The following MKLN1 variants were observed in gnomAD, a reference collection of about 807,000 sequenced individuals.
The protein encoded by MKLN1 is muskelin 1, also known as muskelin.
In MKLN1, 18 loss-of-function variants were observed where a neutral mutation model predicts 99.0. That is an observed-to-expected ratio of 0.18 (90% CI 0.13 to 0.27). The LOEUF (loss-of-function observed/expected upper bound fraction) is 0.27. Among genes scored for constraint, MKLN1 ranks in the 10% least tolerant of loss-of-function variants. MKLN1 has a pLI of 1.00. For synonymous variants in MKLN1, 288 were observed against 293.2 expected, an observed-to-expected ratio of 0.98 and a Z score of 0.18; for missense variants, 621 against 875.9, an observed-to-expected ratio of 0.71 and a Z score of 3.67.
At chr7:131,335,160 C>T (rs185599117) in intron 1 of MKLN1, among the ~76,000 whole-genome samples, 2 of 152,078 alleles carry the variant, frequency 1.3e-5, no homozygotes, top group African/African-American at 4.8e-5. Flanking sequence ...TTTTTAACAT[C>T]TTTGCACATT....
At position 131,496,409 on chromosome 7, in the gene MKLN1, A is replaced by G. The variant is rs911897901; in HGVS notation, c.*8681A>G. ...CCATTCCCCTCATGATCTCTGGCTTATCTTTTATCCAATCTGTATGGACTT... is the reference window on the plus strand; with the variant it reads ...CCATTCCCCTCATGATCTCTGGCTTGTCTTTTATCCAATCTGTATGGACTT... On this transcript the variant is annotated 3_prime_UTR_variant, in exon 18 of 18. Transcript: ENST00000352689. 1.3e-5 allele frequency: 2 copies of G among 151,964 alleles called. No homozygotes were observed. The highest frequency in any genetic ancestry group is 2.9e-5 in the Non-Finnish European group (2 of 68,002). 9.4% of individuals were successfully genotyped at this position (151,964 alleles called of 1,614,324 possible).
At chr7:131,142,100 GTCTC>G (rs1457736192) in intron 1 of MKLN1, among the ~76,000 whole-genome samples, 2 of 151,528 alleles carry the variant, frequency 1.3e-5, no homozygotes, top group Non-Finnish European at 2.9e-5. Flanking sequence ...AACATGGCAA[GTCTC>G]TCTCTACAAA....
At chr7:131,136,938 T>C (rs1795657970) in intron 1 of MKLN1, among the ~76,000 whole-genome samples, 1 of 152,214 alleles carries the variant, frequency 6.6e-6, no homozygotes, top group South Asian at 2.1e-4. Context: ...AGTGGTTTTC[T>C]CTTCTGGCTT....
intron 2 of MKLN1, among the ~76,000 whole-genome samples, chr7:131,196,453 C>G (rs1345975928): frequency 6.6e-6 from 1 of 152,094 alleles, no homozygotes; most frequent in Non-Finnish European, 1.5e-5. Context: ...CTTTTTAGGC[C>G]AAATCTACTT....
At chr7:131,374,070 T>TTGGC (rs1023557566) in intron 1 of MKLN1, among the ~76,000 whole-genome samples, 5 of 152,206 alleles carry the variant, frequency 3.3e-5, no homozygotes, top group Non-Finnish European at 5.9e-5. Context: ...TTTTTTAGCA[T>TTGGC]TGGCCTGTCA....
At position 131,459,977 on chromosome 7, in the gene MKLN1, AT is replaced by A. The variant is rs1796467727; in HGVS notation, c.1526-3237del. Among the ~76,000 whole-genome samples, 4 of 151,506 alleles carry A rather than the reference AT, an allele frequency of 2.6e-5. No individual in the cohort carries two copies. The South Asian group carries it at 8.3e-4, about 31-fold the overall frequency. ...TATCTTTTTGCTGTTTATTCTGGTG[AT>A]TTGTCAGTTTTATCTAGAGACCACT... On this transcript the variant is annotated intron_variant, in intron 12 of 17. Transcript: ENST00000352689.
chr7:131,297,503 G>A (rs950984845), intron 3 of MKLN1, among the ~76,000 whole-genome samples: 2 of 151,858 alleles, frequency 1.3e-5, no homozygotes, highest in Non-Finnish European at 2.9e-5. Context: ...TTTTGTATCT[G>A]CCCGTTCTGT....
At chr7:131,328,907 C>T (rs754470297) in intron 1 of MKLN1, among the ~76,000 whole-genome samples, 1 of 152,082 alleles carries the variant, frequency 6.6e-6, no homozygotes, top group African/African-American at 2.4e-5. Context: ...TTTGGCTTAT[C>T]TTTGAAAGGA....
At chr7:131,356,392 C>A (rs1030027978) in intron 1 of MKLN1, among the ~76,000 whole-genome samples, 1 of 152,088 alleles carries the variant, frequency 6.6e-6, no homozygotes, top group Non-Finnish European at 1.5e-5. Flanking sequence ...TGGGGTGGAG[C>A]CCCCTACTGC....
chr7:131,227,597 ACT>A (rs1173715466), intron 3 of MKLN1, among the ~76,000 whole-genome samples: 1 of 134,112 alleles, frequency 7.5e-6, no homozygotes, highest in Non-Finnish European at 1.6e-5. Context: ...ACAGAATCTC[ACT>A]CTGTCACCCA....
At chr7:131,336,729 A>G (rs1202907959) in intron 1 of MKLN1, among the ~76,000 whole-genome samples, 2 of 152,112 alleles carry the variant, frequency 1.3e-5, no homozygotes, top group Non-Finnish European at 2.9e-5. Context: ...AATAGCATTT[A>G]TCACTCTCCT....
At position 131,495,635 on chromosome 7, in the gene MKLN1, C is replaced by T. The variant is rs1247921958; in HGVS notation, c.*7907C>T. 1 of 151,820 alleles carries T rather than the reference C, an allele frequency of 6.6e-6. No individual in the cohort carries two copies. The highest frequency in any genetic ancestry group is 6.6e-5 in the Admixed American group (1 of 15,222). 9.4% of individuals were successfully genotyped at this position (151,820 alleles called of 1,614,324 possible). A position where few individuals can be genotyped will look rare whatever the true frequency, so the allele number is the denominator to read the frequency against. On this transcript the variant is annotated 3_prime_UTR_variant, in exon 18 of 18. Coordinates refer to ENST00000352689, the MANE Select transcript of MKLN1 (RefSeq NM_013255.5). The stretch of plus-strand genomic sequence containing the variant: ...ACACAGCCATTCCATTGTTTTTTAC[C>T]ACATGGAGAAAGGACCAGGCTGGAA...
intron 3 of MKLN1, among the ~76,000 whole-genome samples, chr7:131,219,263 G>A (rs1797028498): frequency 6.6e-6 from 1 of 151,928 alleles, no homozygotes; most frequent in Admixed American, 6.6e-5. Context: ...AGCATCCAGA[G>A]GGCAGAGGCA....
chr7:131,134,905 C>G (rs1467309520), intron 1 of MKLN1, among the ~76,000 whole-genome samples: 14 of 152,174 alleles, frequency 9.2e-5, no homozygotes, highest in Non-Finnish European at 1.9e-4. Context: ...TCCAGATTCC[C>G]TAGCTGTAAT....
At chr7:131,443,003 A>G (rs1409512383) in intron 10 of MKLN1, among the ~76,000 whole-genome samples, 1 of 152,196 alleles carries the variant, frequency 6.6e-6, no homozygotes, top group African/African-American at 2.4e-5. Context: ...CTGTTTTGTA[A>G]CATAATCTGA....
intron 3 of MKLN1, among the ~76,000 whole-genome samples, chr7:131,215,878 A>G (rs1796973826): frequency 6.6e-6 from 1 of 152,004 alleles, no homozygotes; most frequent in Admixed American, 6.6e-5. Flanking sequence ...ATTTAGCCTA[A>G]CAAGCCAGTT....
At chr7:131,227,927 A>G (rs1797181956) in intron 3 of MKLN1, among the ~76,000 whole-genome samples, 1 of 152,002 alleles carries the variant, frequency 6.6e-6, no homozygotes, top group Non-Finnish European at 1.5e-5. Context: ...CCTGCATTCC[A>G]TGCTCTTCCC....
chr7:131,454,221 C>G (rs933079650), intron 12 of MKLN1, among the ~76,000 whole-genome samples: 1 of 151,930 alleles, frequency 6.6e-6, no homozygotes, highest in Non-Finnish European at 1.5e-5. Flanking sequence ...GTATTGTATG[C>G]AAGGAGAAAA....
intron 3 of MKLN1, among the ~76,000 whole-genome samples, chr7:131,218,957 G>A (rs1797023837): frequency 1.3e-5 from 2 of 152,146 alleles, no homozygotes; most frequent in Admixed American, 1.3e-4. Context: ...TCATTTATGA[G>A]ACTAATTTAT....
Sources: allele counts gnomAD v4.1 joint callset (sites outside exome capture counted in the v4.1 genomes callset), GRCh38; gene constraint gnomAD v4.1.1; transcripts MANE v1.5; gene names NCBI Gene and HGNC (gene_info 2026-07-23, HGNC 2026-07-21).